CHD9: variants seen among roughly 807,000 people sequenced by gnomAD.
CHD9 encodes chromodomain helicase DNA binding protein 9.
Under a neutral mutation model 316.1 loss-of-function variants are expected in CHD9, and 77 were observed. That is an observed-to-expected ratio of 0.24 (90% CI 0.20 to 0.29). The LOEUF is 0.29. Among genes scored for constraint, CHD9 ranks in the 10% least tolerant of loss-of-function variants. CHD9 has a pLI of 1.00. For missense variants in CHD9, 2,763 were observed against 3,438.1 expected, an observed-to-expected ratio of 0.80 and a Z score of 4.91; for synonymous variants, 1,129 against 1,158.3, an observed-to-expected ratio of 0.97 and a Z score of 0.51.
Position 53,245,361 on chromosome 16 carries a change from C to A in CHD9, c.3080C>A (p.Thr1027Asn). 1 of 1,557,524 alleles carries A rather than the reference C, an allele frequency of 6.4e-7. No homozygotes were observed. Among genetic ancestry groups the A allele is most frequent in the Non-Finnish European group, 8.7e-7 (1 of 1,152,660 alleles). The change falls in exon 14 of 39, where the codon ACC (threonine) becomes AAC (asparagine). Residue 1027 changes from threonine (T) to asparagine (N), a missense_variant. This residue lies in a region of CHD9 where 155 missense variants were observed against 291.8 expected (regional missense o/e 0.53). Transcript: ENST00000447540. The surrounding 1 kb of genome is among the most constrained non-coding windows in gnomAD (Gnocchi z 4.1). The part of the protein sequence containing the change: ...NLEHKVLLTG[T>N]PLQNTVEELF... The stretch of plus-strand genomic sequence containing the variant: ...GAACACAAGGTGCTTTTGACTGGCA[C>A]CCCTCTCCAAAATACAGTTGAAGAA...
chr16:53,137,406 C>CA (rs2152697749), intron 1 of CHD9, among the ~76,000 whole-genome samples: 1 of 152,240 alleles, frequency 6.6e-6, no homozygotes, highest in Admixed American at 6.5e-5. Context: ...TCTTTCGGTG[C>CA]ACATGTGCCC....
chr16:53,060,463 A>G (rs1034957305), intron 1 of CHD9, among the ~76,000 whole-genome samples: 3 of 152,128 alleles, frequency 2.0e-5, no homozygotes, highest in African/African-American at 7.2e-5. Flanking sequence ...TAAAAATTTT[A>G]AAAATTAGCT....
intron 2 of CHD9, chr16:53,208,004 T>C (rs1263558359): frequency 3.0e-6 from 3 of 994,958 alleles, no homozygotes; most frequent in African/African-American, 3.5e-5. Context: ...TGCTGATGCA[T>C]TTTGATGCTT....
chr16:53,147,742 AC>A (rs2040747290), intron 1 of CHD9, among the ~76,000 whole-genome samples: 1 of 152,118 alleles, frequency 6.6e-6, no homozygotes, highest in Admixed American at 6.5e-5. Flanking sequence ...GTTGATGGAC[AC>A]TTGGATTGTT....
At position 53,157,415 on chromosome 16, in the gene CHD9, G is replaced by T. The variant is rs747733475; in HGVS notation, c.1326G>T (p.Ser442=). ...LDHDLDRQFT[S]HLVTRPSDMA... Reference sequence around the variant, plus strand: ...ATGACCTTGATCGGCAGTTTACTTCGCATCTGGTAACACGGCCTTCTGATA... The same window carrying T: ...ATGACCTTGATCGGCAGTTTACTTCTCATCTGGTAACACGGCCTTCTGATA... The change falls in exon 2 of 39, where the codon TCG becomes TCT. Residue 442 remains serine (S), a synonymous_variant. Coordinates refer to ENST00000447540, the MANE Select transcript of CHD9 (RefSeq NM_001308319.2). The T allele has an allele frequency of 1.2e-6, 2 of 1,613,908 alleles. No individual in the cohort carries two copies. The highest frequency in any genetic ancestry group is 3.3e-5 in the Admixed American group (2 of 60,006).
At chr16:53,085,641 C>T (rs763430884) in intron 1 of CHD9, among the ~76,000 whole-genome samples, 1 of 152,194 alleles carries the variant, frequency 6.6e-6, no homozygotes, top group East Asian at 1.9e-4. Flanking sequence ...AGATAACACA[C>T]ACCCGCTTTA....
At chr16:53,193,894 G>A (rs1002497361) in intron 2 of CHD9, among the ~76,000 whole-genome samples, 2 of 152,108 alleles carry the variant, frequency 1.3e-5, no homozygotes, top group Non-Finnish European at 2.9e-5. Flanking sequence ...ACCTTGGCTT[G>A]TAAATAACTA....
At chr16:53,205,033 G>C (rs2045788849) in intron 2 of CHD9, among the ~76,000 whole-genome samples, 1 of 151,958 alleles carries the variant, frequency 6.6e-6, no homozygotes, top group Non-Finnish European at 1.5e-5. Flanking sequence ...GTAGAGATGG[G>C]GTTTCACCAT....
chr16:53,235,756 C>A (rs1431794725), intron 11 of CHD9, among the ~76,000 whole-genome samples: 1 of 152,046 alleles, frequency 6.6e-6, no homozygotes, highest in Non-Finnish European at 1.5e-5. Context: ...AATATGGGAA[C>A]CTGTAATTAA....
At chr16:53,141,027 C>G (rs185329532) in intron 1 of CHD9, among the ~76,000 whole-genome samples, 7 of 152,182 alleles carry the variant, frequency 4.6e-5, no homozygotes, top group Admixed American at 1.3e-4. Context: ...TTGCTTATGT[C>G]CTTTGGTTTA....
chr16:53,320,549 A>T (rs2057207581), intron 37 of CHD9, among the ~76,000 whole-genome samples: 1 of 152,134 alleles, frequency 6.6e-6, no homozygotes, highest in South Asian at 2.1e-4. Context: ...CTTATAGGTA[A>T]TATAACTGAT....
At chr16:53,136,019 A>G (rs2039685786) in intron 1 of CHD9, among the ~76,000 whole-genome samples, 1 of 152,142 alleles carries the variant, frequency 6.6e-6, no homozygotes, top group South Asian at 2.1e-4. Flanking sequence ...TTCAGTTATT[A>G]GCTTGTAAGG....
intron 4 of CHD9, among the ~76,000 whole-genome samples, chr16:53,225,057 T>G (rs567729265): frequency 1.3e-5 from 2 of 152,266 alleles, no homozygotes; most frequent in South Asian, 4.1e-4. Flanking sequence ...ACCATATGAG[T>G]GCCTTTCTTT....
intron 20 of CHD9, among the ~76,000 whole-genome samples, chr16:53,267,010 A>C (rs974867142): frequency 3.3e-5 from 5 of 152,198 alleles, no homozygotes; most frequent in Admixed American, 6.5e-5. Context: ...GCATAAATTC[A>C]GTTTAAAATA....
Position 53,326,178 on chromosome 16 carries a change from T to C in CHD9, c.*1283T>C, listed in dbSNP as rs547234882. 3 of 152,656 alleles carry C rather than the reference T, an allele frequency of 2.0e-5. No individual in the cohort carries two copies. Among genetic ancestry groups the C allele is most frequent in the African/African-American group, 7.2e-5 (3 of 41,578 alleles). 9.5% of individuals were successfully genotyped at this position (152,656 alleles called of 1,614,324 possible). On this transcript the variant is annotated 3_prime_UTR_variant, in exon 39 of 39. Transcript: ENST00000447540. Reference sequence around the variant, plus strand: ...TGATTTGTGATACAATTTCTCCTGCTAAAGCTGCTATTATTCTGACAAGGT... The same window carrying C: ...TGATTTGTGATACAATTTCTCCTGCCAAAGCTGCTATTATTCTGACAAGGT...
intron 1 of CHD9, among the ~76,000 whole-genome samples, chr16:53,087,533 C>G (rs1432716179): frequency 6.6e-6 from 1 of 152,178 alleles, no homozygotes; most frequent in Non-Finnish European, 1.5e-5. Flanking sequence ...CTTCTCTGTG[C>G]CTCACTTTCT....
At chr16:53,109,209 G>A (rs2037629689) in intron 1 of CHD9, among the ~76,000 whole-genome samples, 2 of 151,492 alleles carry the variant, frequency 1.3e-5, no homozygotes, top group South Asian at 4.1e-4. Context: ...AGGTGCATGG[G>A]GGCACAGGAA....
chr16:53,324,687 A>G lies in CHD9; in HGVS notation c.8486A>G (p.Asn2829Ser). ...CAGTCCAATACTTTTGATGTACAAA[A>G]CAAAAACAGTGACTTAGGCTCGTCT... is the stretch of plus-strand genomic sequence containing the variant. ...LSQSNTFDVQ[N>S]KNSDLGSSKS... Residue 2829 changes from asparagine (N) to serine (S), a missense_variant, in exon 39 of 39, where the codon AAC becomes AGC. Around this residue, in one of 15 missense-constraint regions of CHD9, gnomAD observed 298 missense variants for 380.2 expected, o/e 0.78. Transcript: ENST00000447540. 1 of 1,613,544 alleles carries G rather than the reference A, an allele frequency of 6.2e-7. No individual in the cohort carries two copies. Among genetic ancestry groups the G allele is most frequent in the Non-Finnish European group, 8.5e-7 (1 of 1,179,696 alleles).
At chr16:53,094,271 C>T (rs993129773) in intron 1 of CHD9, among the ~76,000 whole-genome samples, 3 of 152,192 alleles carry the variant, frequency 2.0e-5, no homozygotes, top group East Asian at 1.9e-4. Flanking sequence ...CTAGTCTGGG[C>T]TGGGCGGGGC....
Sources: allele counts gnomAD v4.1 joint callset (sites outside exome capture counted in the v4.1 genomes callset), GRCh38; gene constraint gnomAD v4.1.1; regional missense constraint gnomAD v4.1.1; non-coding constraint Gnocchi (gnomAD v3.1); transcripts MANE v1.5; gene names NCBI Gene and HGNC (gene_info 2026-07-23, HGNC 2026-07-21).